Variants in SH3PXD2B observed in about 807,000 individuals in gnomAD.
The protein encoded by SH3PXD2B is SH3 and PX domain-containing protein 2B.
In SH3PXD2B, 37 loss-of-function variants were observed where a neutral mutation model predicts 73.1. The observed-to-expected ratio is 0.51, with a 90% confidence interval of 0.39 to 0.67. The LOEUF is 0.67. Ranked by LOEUF, SH3PXD2B falls within the 30% of genes least tolerant of loss-of-function variation. The pLI is 0.00. For missense variants in SH3PXD2B, 1,053 were observed against 1,197.8 expected (o/e 0.88, Z 1.78); for synonymous variants, 457 against 480.5 (o/e 0.95, Z 0.64).
intron 8 of SH3PXD2B, among the ~76,000 whole-genome samples, chr5:172,354,916 C>T (rs1033703305): frequency 2.6e-5 from 4 of 152,208 alleles, no homozygotes; most frequent in Non-Finnish European, 5.9e-5. Flanking sequence ...CCCACAGTAG[C>T]CCTGGAGGGC....
chr5:172,346,288 T>C, intron 11 of SH3PXD2B, 27 bp from the exon 12 acceptor site: 1 of 1,613,088 alleles, frequency 6.2e-7, no homozygotes, highest in Non-Finnish European at 8.5e-7. Flanking sequence ...CAGGGTTATC[T>C]CCAAGGCTAA....
intron 12 of SH3PXD2B, among the ~76,000 whole-genome samples, chr5:172,344,588 CAAAAAAAAAAAAAAAAA>C (rs756550290): frequency 7.9e-5 from 2 of 25,232 alleles, no homozygotes; most frequent in Non-Finnish European, 1.3e-4. Flanking sequence ...GAGGCTCTGT[CAAAAAAAAAAAAAAAAA>C]AAAAAAAAAA....
At position 172,430,861 on chromosome 5, in the gene SH3PXD2B, T is replaced by C. The variant is rs1156538904; in HGVS notation, c.76-8365A>G. Among the ~76,000 whole-genome samples, 4 of 119,868 alleles carry C rather than the reference T, an allele frequency of 3.3e-5. No homozygotes were observed. In the South Asian group the frequency reaches 1.0e-3, roughly 31 times the overall value. The allele number at this position is 119,868 out of a possible 152,430, so 78.6% of individuals were successfully genotyped here. ...CCACTTGAGAAGTAACCACCTGTTC[T>C]TTCTTTCTTTTTTTTTTTCTTTTGA... On this transcript the variant is annotated intron_variant, in intron 1 of 12. Coordinates refer to ENST00000311601, the MANE Select transcript of SH3PXD2B (RefSeq NM_001017995.3).
chr5:172,352,910 C>A (rs762756134), intron 9 of SH3PXD2B, among the ~76,000 whole-genome samples: 1 of 151,922 alleles, frequency 6.6e-6, no homozygotes, highest in Non-Finnish European at 1.5e-5. Context: ...TATCATTATC[C>A]GTTTTCAAAT....
At chr5:172,412,615 C>T (rs4357051) in intron 2 of SH3PXD2B, among the ~76,000 whole-genome samples, 74,495 of 151,966 alleles carry the variant, frequency 0.49, 19,468 homozygotes, top group East Asian at 0.7. Context: ...GCTTTCCTTG[C>T]CGAGCTGGTC....
chr5:172,346,736 G>A (rs1394345404), intron 11 of SH3PXD2B, among the ~76,000 whole-genome samples: 1 of 151,970 alleles, frequency 6.6e-6, no homozygotes. Context: ...CAATCGGCAC[G>A]CTGCATGGCA....
intron 7 of SH3PXD2B, among the ~76,000 whole-genome samples, chr5:172,360,227 A>G (rs1757368415): frequency 6.6e-6 from 1 of 152,250 alleles, no homozygotes; most frequent in Non-Finnish European, 1.5e-5. Flanking sequence ...ACACAATGAT[A>G]GCAATGGCAA....
intron 1 of SH3PXD2B, among the ~76,000 whole-genome samples, chr5:172,433,652 C>T (rs1418050209): frequency 6.6e-5 from 10 of 152,172 alleles, no homozygotes; most frequent in Admixed American, 1.3e-4. Flanking sequence ...GGTGGGAGAA[C>T]ACTGGCTCAC....
chr5:172,412,127 A>G (rs1430729171), intron 2 of SH3PXD2B, among the ~76,000 whole-genome samples: 1 of 152,204 alleles, frequency 6.6e-6, no homozygotes, highest in Non-Finnish European at 1.5e-5. Context: ...TCCATTTTAT[A>G]GCATGTGGCA....
chr5:172,333,373 C>T (rs1056302491), downstream of SH3PXD2B: 6 of 399,754 alleles, frequency 1.5e-5, no homozygotes, highest in African/African-American at 8.9e-5. Context: ...AGAGAGGGGT[C>T]GCCCCTATTT....
rs1440672001 is a variant in SH3PXD2B at position 172,348,654 on chromosome 5, C to CTATGTAT, written c.1013-1323_1013-1322insATACATA. Among the ~76,000 whole-genome samples the CTATGTAT allele has an allele frequency of 3.0e-4, 18 of 60,446 alleles. 1 individual carries two copies. The highest frequency in any genetic ancestry group is 7.5e-4 in the African/African-American group (12 of 16,026). 39.7% of individuals were successfully genotyped at this position (60,446 alleles called of 152,430 possible). A position where few individuals can be genotyped will look rare whatever the true frequency, so the allele number is the denominator to read the frequency against. On this transcript the variant is annotated intron_variant, in intron 10 of 12. Transcript: ENST00000311601. Reference sequence around the variant, plus strand: ...TCTATCTATGTATCTATCTATCTATCCTATCTATCTATCTATCTATCTATC... The same window carrying CTATGTAT: ...TCTATCTATGTATCTATCTATCTATCTATGTATCTATCTATCTATCTATCTATCTATC...
intron 5 of SH3PXD2B, among the ~76,000 whole-genome samples, chr5:172,381,093 T>C (rs1001287614): frequency 6.6e-6 from 1 of 152,274 alleles, no homozygotes; most frequent in African/African-American, 2.4e-5. Context: ...AGCATGTGTC[T>C]TTCTCTCTTG....
intron 8 of SH3PXD2B, among the ~76,000 whole-genome samples, chr5:172,356,532 C>A (rs1330272728): frequency 1.3e-5 from 2 of 152,188 alleles, no homozygotes; most frequent in Non-Finnish European, 2.9e-5. Context: ...TCACTCCTCC[C>A]AAACCCACAT....
intron 6 of SH3PXD2B, among the ~76,000 whole-genome samples, chr5:172,373,078 T>C (rs1051154841): frequency 2.0e-5 from 3 of 152,204 alleles, no homozygotes; most frequent in African/African-American, 7.2e-5. Context: ...ATCCAGGAAA[T>C]GGAAAGCTTA....
At chr5:172,384,962 C>G (rs73804823) in intron 4 of SH3PXD2B, among the ~76,000 whole-genome samples, 4 of 152,150 alleles carry the variant, frequency 2.6e-5, no homozygotes, top group African/African-American at 4.8e-5. Context: ...TTAAAATTAG[C>G]CTTTAAGTAG....
At chr5:172,407,785 A>G (rs989655898) in intron 2 of SH3PXD2B, among the ~76,000 whole-genome samples, 3 of 152,244 alleles carry the variant, frequency 2.0e-5, no homozygotes, top group Admixed American at 1.3e-4. Context: ...TATGTATACG[A>G]AACACCTACT....
In SH3PXD2B at chr5:172,333,805, G is replaced by A. The variant is rs755014610; in HGVS notation, c.*4564C>T. The A allele has an allele frequency of 3.2e-5, 41 of 1,288,538 alleles. No homozygotes were observed. The highest frequency in any genetic ancestry group is 4.1e-5 in the Non-Finnish European group (41 of 988,596). 79.8% of individuals were successfully genotyped at this position (1,288,538 alleles called of 1,614,324 possible). On this transcript the variant is annotated 3_prime_UTR_variant, in exon 13 of 13. Transcript: ENST00000311601. ...GTAAGAAATGGCCTGTTACTTGGAA[G>A]CTCCCCAAAGCAGGAAATGTGGGTT...
At chr5:172,342,836 G>A (rs1756890863) in intron 12 of SH3PXD2B, among the ~76,000 whole-genome samples, 1 of 152,088 alleles carries the variant, frequency 6.6e-6, no homozygotes, top group Non-Finnish European at 1.5e-5. Flanking sequence ...AGATGGCTGC[G>A]GGTACTTTGT....
chr5:172,361,818 T>G (rs1173212800), intron 7 of SH3PXD2B, among the ~76,000 whole-genome samples: 1 of 152,226 alleles, frequency 6.6e-6, no homozygotes, highest in East Asian at 1.9e-4. Flanking sequence ...GTCTCGTGAC[T>G]AATGCCACCA....
Sources: gnomAD v4.1 joint callset for allele counts (sites outside exome capture counted in the v4.1 genomes callset) on GRCh38, gnomAD v4.1.1 for gene constraint, MANE v1.5 for transcripts, NCBI Gene and HGNC (gene_info 2026-07-23, HGNC 2026-07-21) for gene names.